Variants in EXOC6B observed in about 807,000 individuals in gnomAD.
EXOC6B encodes the protein exocyst complex component 6B, also known as SEC15 homolog B.
In EXOC6B, 54 loss-of-function variants were observed where a neutral mutation model predicts 113.5. The ratio of observed to expected loss-of-function variants is 0.48; its 90% CI spans 0.38 to 0.60. The LOEUF is 0.60. Ranked by LOEUF, EXOC6B falls within the 20% of genes least tolerant of loss-of-function variation. The pLI is 0.00. For missense variants in EXOC6B, 797 were observed against 977.5 expected, an observed-to-expected ratio of 0.82 and a Z score of 2.46; for synonymous variants, 357 against 339.0, an observed-to-expected ratio of 1.05 and a Z score of -0.58.
intron 6 of EXOC6B, among the ~76,000 whole-genome samples, chr2:72,623,431 A>G (rs530862330): frequency 6.6e-6 from 1 of 152,326 alleles, no homozygotes; most frequent in African/African-American, 2.4e-5. Context: ...TAAGTACAGA[A>G]AAGGACAACA....
intron 1 of EXOC6B, among the ~76,000 whole-genome samples, chr2:72,822,566 G>A (rs900751791): frequency 3.3e-5 from 5 of 152,216 alleles, no homozygotes; most frequent in Admixed American, 2.6e-4. Context: ...AAAATAATCC[G>A]TATCATAGCA....
intron 6 of EXOC6B, among the ~76,000 whole-genome samples, chr2:72,620,590 C>T (rs1671688188): frequency 6.7e-6 from 1 of 149,720 alleles, no homozygotes; most frequent in South Asian, 2.1e-4. Flanking sequence ...TCAATATCCG[C>T]CTTGGCAAAG....
intron 18 of EXOC6B, among the ~76,000 whole-genome samples, chr2:72,427,414 G>A (rs1333845501): frequency 6.6e-6 from 1 of 152,180 alleles, no homozygotes; most frequent in Admixed American, 6.5e-5. Context: ...GCAGCCTCAG[G>A]GGTGTCTGCT....
rs76779809 is a variant in EXOC6B, at chr2:72,252,701, T to C, written c.2197-68514A>G. Among the ~76,000 whole-genome samples, 368 of 152,238 alleles carry C rather than the reference T, an allele frequency of 2.4e-3. 3 individuals carry two copies. Among genetic ancestry groups the C allele is most frequent in the African/African-American group, 7.8e-3 (326 of 41,552 alleles). ...ATACACATAATACACATTAAGCACA[T>C]TGACATAAAAATCACAGATCAGGGA... On this transcript the variant is annotated intron_variant, in intron 20 of 21. Transcript: ENST00000272427.
intron 1 of EXOC6B, among the ~76,000 whole-genome samples, chr2:72,808,120 T>A (rs974846093): frequency 1.3e-5 from 2 of 151,566 alleles, no homozygotes; most frequent in African/African-American, 4.9e-5. Context: ...AGAAAAGAAA[T>A]GATTTAACAA....
intron 19 of EXOC6B, among the ~76,000 whole-genome samples, chr2:72,376,170 A>C (rs1691346389): frequency 6.6e-6 from 1 of 152,186 alleles, no homozygotes; most frequent in African/African-American, 2.4e-5. Context: ...TGTAATCTAT[A>C]TTATAGATCT....
intron 6 of EXOC6B, among the ~76,000 whole-genome samples, chr2:72,619,039 T>C (rs1171594788): frequency 1.3e-5 from 2 of 152,174 alleles, no homozygotes; most frequent in African/African-American, 4.8e-5. Flanking sequence ...TTGTTGCTCT[T>C]AAAGGAAAGC....
intron 19 of EXOC6B, among the ~76,000 whole-genome samples, chr2:72,364,393 T>C (rs1291033085): frequency 6.6e-6 from 1 of 151,988 alleles, no homozygotes; most frequent in Non-Finnish European, 1.5e-5. Flanking sequence ...GGAAAAAAAA[T>C]TTCACTGCTG....
At position 72,661,254 on chromosome 2, in the gene EXOC6B, A is replaced by AATCAATGGCACAT. The variant is rs1165273056; in HGVS notation, c.669+56848_669+56849insATGTGCCATTGAT. Among the ~76,000 whole-genome samples, 185 of 152,292 alleles carry AATCAATGGCACAT rather than the reference A, an allele frequency of 1.2e-3. 3 individuals carry two copies. In the East Asian group the frequency reaches 0.033, roughly 27 times the overall value. On this transcript the variant is annotated intron_variant, in intron 6 of 21. Coordinates refer to ENST00000272427, the MANE Select transcript of EXOC6B (RefSeq NM_015189.3). The stretch of plus-strand genomic sequence containing the variant: ...CACCTTTCTAGCCAGAGGACAAAAA[A>AATCAATGGCACAT]GAAAAGCAGCAGGAAACTGAAAATC...
intron 20 of EXOC6B, among the ~76,000 whole-genome samples, chr2:72,225,185 A>G (rs749933992): frequency 6.6e-6 from 1 of 151,862 alleles, no homozygotes; most frequent in Non-Finnish European, 1.5e-5. Flanking sequence ...GCTTTATTTT[A>G]TAATTTGAAA....
At chr2:72,435,489 A>G (rs1037959447) in intron 18 of EXOC6B, among the ~76,000 whole-genome samples, 45 of 152,138 alleles carry the variant, frequency 3.0e-4, no homozygotes, top group African/African-American at 1.1e-3. Flanking sequence ...TGATCTGTCT[A>G]ATAGTTACAG....
intron 1 of EXOC6B, among the ~76,000 whole-genome samples, chr2:72,767,722 A>G (rs544490233): frequency 8.3e-4 from 120 of 144,806 alleles, no homozygotes; most frequent in African/African-American, 2.9e-3. Flanking sequence ...CTGAGGTGGG[A>G]GTATCACCTA....
At chr2:72,408,399 C>T (rs1388383017) in intron 18 of EXOC6B, among the ~76,000 whole-genome samples, 1 of 152,246 alleles carries the variant, frequency 6.6e-6, no homozygotes, top group South Asian at 2.1e-4. Context: ...AAAGAGCCCA[C>T]ATTGCCAAGT....
chr2:72,407,619 G>A (rs913613449), intron 18 of EXOC6B, among the ~76,000 whole-genome samples: 21 of 152,266 alleles, frequency 1.4e-4, no homozygotes, highest in Non-Finnish European at 2.6e-4. Flanking sequence ...AAAACCACAT[G>A]ATTATCTCAA....
In EXOC6B at chr2:72,379,884, G is replaced by A; in HGVS notation, c.1981-14C>T. ...GGCCACCTTTCCCTGAAACACAAGAGTGTAAATCATAAAGTTAATGCATCT... is the reference window on the plus strand; with the variant it reads ...GGCCACCTTTCCCTGAAACACAAGAATGTAAATCATAAAGTTAATGCATCT... On this transcript the variant is annotated splice_polypyrimidine_tract_variant and intron_variant, in intron 18 of 21. Transcript: ENST00000272427. 6 of 1,584,028 alleles carry A rather than the reference G, an allele frequency of 3.8e-6. No homozygotes were observed. The highest frequency in any genetic ancestry group is 4.3e-6 in the Non-Finnish European group (5 of 1,164,492).
At chr2:72,667,329 C>T (rs191869741) in intron 6 of EXOC6B, among the ~76,000 whole-genome samples, 14 of 152,268 alleles carry the variant, frequency 9.2e-5, no homozygotes, top group African/African-American at 3.4e-4. Flanking sequence ...CAACACTATT[C>T]CTATCAAACT....
intron 6 of EXOC6B, among the ~76,000 whole-genome samples, chr2:72,682,279 C>A (rs756664497): frequency 5.3e-5 from 8 of 152,132 alleles, no homozygotes; most frequent in Non-Finnish European, 1.0e-4. Context: ...CTTAAGATTT[C>A]TTTTTCACAA....
At chr2:72,228,659 C>T (rs1223375860) in intron 20 of EXOC6B, among the ~76,000 whole-genome samples, 1 of 152,162 alleles carries the variant, frequency 6.6e-6, no homozygotes, top group South Asian at 2.1e-4. Flanking sequence ...TTAATCCAGT[C>T]TAACATTGTT....
Position 72,655,345 on chromosome 2 carries a change from T to A in EXOC6B, c.669+62758A>T, listed in dbSNP as rs551971967. Among the ~76,000 whole-genome samples the A allele has an allele frequency of 2.0e-5, 3 of 152,172 alleles. No individual in the cohort carries two copies. The South Asian group carries it at 6.2e-4, about 32-fold the overall frequency. ...TTTTTAATTCTTTAAATTTATAGAT[T>A]TTTTTAAAGGGCAAACTAAAAAGAA... On this transcript the variant is annotated intron_variant, in intron 6 of 21. Coordinates refer to ENST00000272427, the MANE Select transcript of EXOC6B (RefSeq NM_015189.3).
Sources: gnomAD v4.1 joint callset for allele counts (sites outside exome capture counted in the v4.1 genomes callset) on GRCh38, gnomAD v4.1.1 for gene constraint, MANE v1.5 for transcripts, NCBI Gene and HGNC (gene_info 2026-07-23, HGNC 2026-07-21) for gene names.